Variants in LMAN2L observed in about 807,000 individuals in gnomAD.
LMAN2L encodes the protein lectin, mannose binding 2 like.
A neutral mutation model predicts 44.3 loss-of-function variants in LMAN2L; 30 were observed. That is an observed-to-expected ratio of 0.68 (90% CI 0.51 to 0.92). The LOEUF is 0.92. Among genes scored for constraint, LMAN2L ranks in the 40% least tolerant of loss-of-function variants. The pLI is 0.00. For synonymous variants in LMAN2L, 183 were observed against 171.1 expected, an observed-to-expected ratio of 1.07 and a Z score of -0.54; for missense variants, 429 against 446.1, an observed-to-expected ratio of 0.96 and a Z score of 0.35.
chr2:96,714,985 C>G (rs745389825), intron 4 of LMAN2L, among the ~76,000 whole-genome samples: 16 of 152,180 alleles, frequency 1.1e-4, no homozygotes, highest in Non-Finnish European at 1.9e-4. Context: ...GTCACCCAGG[C>G]TGGAGTGCAG....
intron 5 of LMAN2L, 25 bp from the exon 6 acceptor site, chr2:96,711,795 A>G: frequency 6.2e-7 from 1 of 1,612,542 alleles, no homozygotes; most frequent in Non-Finnish European, 8.5e-7. Context: ...GAGATAAATC[A>G]GGGTCAGGCC....
At chr2:96,722,090 C>A (rs994597667) in intron 4 of LMAN2L, among the ~76,000 whole-genome samples, 5 of 152,014 alleles carry the variant, frequency 3.3e-5, no homozygotes, top group Non-Finnish European at 5.9e-5. Flanking sequence ...GCCTCAGCCT[C>A]CCGAGTAGCT....
chr2:96,730,200 G>A (rs2078363515), intron 4 of LMAN2L, among the ~76,000 whole-genome samples: 1 of 152,008 alleles, frequency 6.6e-6, no homozygotes, highest in Admixed American at 6.6e-5. Flanking sequence ...ATTTGTTTCT[G>A]GAAGAAACAG....
At position 96,707,257 on chromosome 2, in the gene LMAN2L, CAGT is replaced by C. The variant is rs2077802900; in HGVS notation, c.1043_1045del (p.Tyr348del). On this transcript the variant is annotated inframe_deletion, in exon 8 of 8. Coordinates refer to ENST00000264963, the MANE Select transcript of LMAN2L (RefSeq NM_030805.4). ...CAAAAGTGGTGGCAGCAGGAGGGCT[CAGT>C]AGAAGCGCTTTCGGCTCTGTTCCTG... 6.2e-7 allele frequency: 1 copy of C among 1,613,706 alleles called. No homozygotes were observed. The highest frequency in any genetic ancestry group is 8.5e-7 in the Non-Finnish European group (1 of 1,179,862).
chr2:96,717,928 CTT>C (rs1215848974), intron 4 of LMAN2L, among the ~76,000 whole-genome samples: 9 of 151,638 alleles, frequency 5.9e-5, no homozygotes, highest in African/African-American at 1.2e-4. Context: ...CCAAAATTCT[CTT>C]GTTATATTTT....
chr2:96,730,121 A>G (rs1369293101), intron 4 of LMAN2L, among the ~76,000 whole-genome samples: 1 of 152,148 alleles, frequency 6.6e-6, no homozygotes, highest in African/African-American at 2.4e-5. Context: ...CCCAAGTCAG[A>G]ATTTCTACTT....
At chr2:96,715,426 C>T (rs1280127187) in intron 4 of LMAN2L, among the ~76,000 whole-genome samples, 3 of 152,214 alleles carry the variant, frequency 2.0e-5, no homozygotes, top group South Asian at 2.1e-4. Context: ...TTATTTTCTA[C>T]GCCTAGTCAA....
At chr2:96,716,437 G>A (rs1218190577) in intron 4 of LMAN2L, among the ~76,000 whole-genome samples, 1 of 152,206 alleles carries the variant, frequency 6.6e-6, no homozygotes, top group Non-Finnish European at 1.5e-5. Flanking sequence ...TTAGAGCAGT[G>A]TTTCCATCTC....
In LMAN2L at chr2:96,733,503, T is replaced by C. The variant is rs2078449340; in HGVS notation, c.507+16A>G. 1 of 1,599,352 alleles carries C rather than the reference T, an allele frequency of 6.3e-7. No homozygotes were observed. The highest frequency in any genetic ancestry group is 1.3e-5 in the African/African-American group (1 of 74,660). On this transcript the variant is annotated intron_variant, in intron 4 of 7. Coordinates refer to ENST00000264963, the MANE Select transcript of LMAN2L (RefSeq NM_030805.4). The stretch of plus-strand genomic sequence containing the variant: ...ATGTCAGTGTAGCTGACCTAGGCTC[T>C]GACACTTGCCATTACCTCTTGCTGC...
At chr2:96,732,791 C>CTT (rs567344079) in intron 4 of LMAN2L, among the ~76,000 whole-genome samples, 9,670 of 141,874 alleles carry the variant, frequency 0.068, 364 homozygotes, top group Middle Eastern at 0.16. Context: ...TTCTTTCTTT[C>CTT]TTTTTTTTTT....
At chr2:96,737,320 A>T in intron 2 of LMAN2L, 1 of 361,064 alleles carries the variant, frequency 2.8e-6, no homozygotes, top group Non-Finnish European at 5.3e-6. Context: ...TGAAATAACA[A>T]GATGGGGATG....
chr2:96,722,824 T>C (rs370149046), intron 4 of LMAN2L, among the ~76,000 whole-genome samples: 2 of 152,264 alleles, frequency 1.3e-5, no homozygotes. Context: ...AGTTTGAGAC[T>C]AGCCTGGCCA....
intron 4 of LMAN2L, among the ~76,000 whole-genome samples, chr2:96,717,159 ACT>A (rs1418840531): frequency 1.3e-5 from 2 of 151,922 alleles, no homozygotes; most frequent in Non-Finnish European, 2.9e-5. Context: ...AGAGCAATTT[ACT>A]CTTAGTTCAG....
intron 4 of LMAN2L, among the ~76,000 whole-genome samples, chr2:96,716,733 AT>A (rs1468487753): frequency 6.6e-6 from 1 of 152,250 alleles, no homozygotes; most frequent in Admixed American, 6.5e-5. Flanking sequence ...TAACACAGGC[AT>A]TAAGTAGTGA....
chr2:96,732,659 A>G (rs2078428258), intron 4 of LMAN2L, among the ~76,000 whole-genome samples: 1 of 148,342 alleles, frequency 6.7e-6, no homozygotes, highest in South Asian at 2.1e-4. Context: ...AAAAAAATTA[A>G]AAAAAAAAAA....
intron 4 of LMAN2L, among the ~76,000 whole-genome samples, chr2:96,731,312 C>A (rs114680134): frequency 6.6e-6 from 1 of 152,246 alleles, no homozygotes; most frequent in African/African-American, 2.4e-5. Context: ...TGATCCACAA[C>A]AAAAGGTTAT....
chr2:96,715,362 C>T (rs1410883421), intron 4 of LMAN2L, among the ~76,000 whole-genome samples: 1 of 152,244 alleles, frequency 6.6e-6, no homozygotes, highest in Non-Finnish European at 1.5e-5. Flanking sequence ...TTCGGCAACA[C>T]GAGTTGGCCT....
chr2:96,733,448 T>C, intron 4 of LMAN2L, 71 bp downstream of exon 4: 1 of 1,132,310 alleles, frequency 8.8e-7, no homozygotes, highest in Non-Finnish European at 1.3e-6. Flanking sequence ...TGTTCCCTCC[T>C]GTACAACATT....
At chr2:96,707,647 C>T in intron 7 of LMAN2L, 67 bp downstream of exon 7, 1 of 1,581,646 alleles carries the variant, frequency 6.3e-7, no homozygotes, top group South Asian at 1.1e-5. Flanking sequence ...GCCCTGTGAG[C>T]TATGGGTACA....
Sources: gnomAD v4.1 joint callset for allele counts (sites outside exome capture counted in the v4.1 genomes callset) on GRCh38, gnomAD v4.1.1 for gene constraint, MANE v1.5 for transcripts, NCBI Gene and HGNC (gene_info 2026-07-23, HGNC 2026-07-21) for gene names.